Variants in LRRC4C observed in about 807,000 individuals in gnomAD.
LRRC4C encodes leucine rich repeat containing 4C.
Under a neutral mutation model 33.6 loss-of-function variants are expected in LRRC4C, and 5 were observed. The ratio of observed to expected loss-of-function variants is 0.15; its 90% CI spans 0.08 to 0.31. The LOEUF is 0.31. Among genes scored for constraint, LRRC4C ranks in the 10% least tolerant of loss-of-function variants. The pLI, the probability that LRRC4C is intolerant of heterozygous loss-of-function variation, is 1.00. For synonymous variants in LRRC4C, 329 were observed against 302.0 expected (o/e 1.09, Z -0.93); for missense variants, 560 against 796.7 (o/e 0.70, Z 3.58).
Position 41,411,142 on chromosome 11 carries a change from ATTTTTTTTTTTT to A in LRRC4C, c.-496+48277_-496+48288del, listed in dbSNP as rs370574515. 7.7e-4 allele frequency among the ~76,000 whole-genome samples: 44 copies of A among 57,242 alleles called. 3 individuals carry two copies. The highest frequency in any genetic ancestry group is 5.0e-3 in the African/African-American group (43 of 8,610). The allele number at this position is 57,242 out of a possible 152,430, so 37.6% of individuals were successfully genotyped here. On this transcript the variant is annotated intron_variant, in intron 1 of 6. Coordinates refer to ENST00000528697, the MANE Select transcript of LRRC4C (RefSeq NM_001258419.2). ...ATGAGAAACACTTGGTTGGTACCCT[ATTTTTTTTTTTT>A]TTTTTTTTTTTTGAGATGGAGTCTT...
At chr11:40,952,042 T>TA (rs1199952127) in intron 1 of LRRC4C, among the ~76,000 whole-genome samples, 2 of 151,954 alleles carry the variant, frequency 1.3e-5, no homozygotes, top group African/African-American at 2.4e-5. Context: ...ATTTTTTTTT[T>TA]ACCACAAATT....
At chr11:41,238,571 C>A (rs2136524565) in intron 1 of LRRC4C, among the ~76,000 whole-genome samples, 1 of 152,250 alleles carries the variant, frequency 6.6e-6, no homozygotes, top group Admixed American at 6.5e-5. Context: ...GGGACTCAAG[C>A]TTCAGCTGCT....
chr11:41,192,056 ACAGCACATCACT>A (rs908720106), intron 1 of LRRC4C, among the ~76,000 whole-genome samples: 7 of 152,294 alleles, frequency 4.6e-5, no homozygotes, highest in Admixed American at 4.6e-4. Flanking sequence ...AGATAGCCAC[ACAGCACATCACT>A]CACTTCATTT....
At chr11:40,266,617 G>A (rs991823411) in intron 4 of LRRC4C, among the ~76,000 whole-genome samples, 1 of 152,036 alleles carries the variant, frequency 6.6e-6, no homozygotes, top group Non-Finnish European at 1.5e-5. Context: ...ATTACTTAAA[G>A]CACTGCTTTA....
intron 2 of LRRC4C, among the ~76,000 whole-genome samples, chr11:40,810,809 C>T (rs916670452): frequency 1.3e-5 from 2 of 152,130 alleles, no homozygotes; most frequent in Admixed American, 1.3e-4. Flanking sequence ...TCCATTGTCA[C>T]AATTGTTGTT....
chr11:40,416,327 G>A (rs1454503414), intron 3 of LRRC4C, among the ~76,000 whole-genome samples: 2 of 152,138 alleles, frequency 1.3e-5, no homozygotes, highest in Admixed American at 6.5e-5. Flanking sequence ...ATAAAAAGAT[G>A]AGCAGGAGTA....
intron 1 of LRRC4C, among the ~76,000 whole-genome samples, chr11:41,191,801 G>C (rs149368040): frequency 1.3e-5 from 2 of 152,042 alleles, no homozygotes; most frequent in African/African-American, 2.4e-5. Flanking sequence ...CTTGGAAAAG[G>C]GTTCTGCAGC....
At chr11:41,441,321 AT>A (rs1955611515) in intron 1 of LRRC4C, among the ~76,000 whole-genome samples, 1 of 152,048 alleles carries the variant, frequency 6.6e-6, no homozygotes, top group Non-Finnish European at 1.5e-5. Context: ...TAGAGGCAAA[AT>A]GGAAGTAGAA....
At chr11:40,564,709 G>A (rs111677571) in intron 3 of LRRC4C, among the ~76,000 whole-genome samples, 1 of 152,118 alleles carries the variant, frequency 6.6e-6, no homozygotes, top group African/African-American at 2.4e-5. Flanking sequence ...CCAGATTAGA[G>A]GGAGTGGTCC....
rs191415309 is a variant in LRRC4C at position 40,842,970 on chromosome 11, C to T, written c.-407+90665G>A. Among the ~76,000 whole-genome samples, 4 of 152,274 alleles carry T rather than the reference C, an allele frequency of 2.6e-5. No individual in the cohort carries two copies. In the East Asian group the frequency reaches 5.8e-4, roughly 22 times the overall value. ...ATAATACAGCACTGTGAGCACAGAA[C>T]GAAACCTGTGTTTTCATTCAGCCTG... On this transcript the variant is annotated intron_variant, in intron 2 of 6. Transcript: ENST00000528697.
chr11:40,596,840 C>T (rs1348519011), intron 3 of LRRC4C, among the ~76,000 whole-genome samples: 1 of 152,088 alleles, frequency 6.6e-6, no homozygotes, highest in Non-Finnish European at 1.5e-5. Context: ...TATTACAACA[C>T]TATTCATAGT....
intron 4 of LRRC4C, among the ~76,000 whole-genome samples, chr11:40,295,683 A>G (rs72893108): frequency 0.084 from 12,843 of 152,272 alleles, 638 homozygotes; most frequent in Non-Finnish European, 0.1. Flanking sequence ...TACATGCAAG[A>G]GGAAAGACTT....
At chr11:41,269,731 C>T (rs1310348135) in intron 1 of LRRC4C, among the ~76,000 whole-genome samples, 1 of 152,126 alleles carries the variant, frequency 6.6e-6, no homozygotes, top group African/African-American at 2.4e-5. Flanking sequence ...CTGCCACCCT[C>T]CTTTATAATA....
chr11:41,241,389 A>C (rs1948244459), intron 1 of LRRC4C, among the ~76,000 whole-genome samples: 1 of 152,058 alleles, frequency 6.6e-6, no homozygotes, highest in South Asian at 2.1e-4. Flanking sequence ...AAACATGCTG[A>C]GTGTGGGAAA....
At chr11:41,241,572 G>A (rs1041394937) in intron 1 of LRRC4C, among the ~76,000 whole-genome samples, 1 of 152,110 alleles carries the variant, frequency 6.6e-6, no homozygotes, top group Non-Finnish European at 1.5e-5. Context: ...ATGAGGATTA[G>A]GTTGAATAAA....
At chr11:40,204,825 T>C (rs1201266885) in intron 5 of LRRC4C, among the ~76,000 whole-genome samples, 2 of 152,198 alleles carry the variant, frequency 1.3e-5, no homozygotes, top group Non-Finnish European at 2.9e-5. Flanking sequence ...ATAAACTTCC[T>C]TGCCTGCTTA....
chr11:40,248,344 C>CA (rs754843026), intron 4 of LRRC4C, among the ~76,000 whole-genome samples: 11 of 152,174 alleles, frequency 7.2e-5, no homozygotes, highest in Non-Finnish European at 1.5e-4. Flanking sequence ...TCAACCTCAG[C>CA]ACTGTTGACT....
intron 1 of LRRC4C, among the ~76,000 whole-genome samples, chr11:41,205,319 T>G (rs2136284894): frequency 6.6e-6 from 1 of 152,340 alleles, no homozygotes; most frequent in African/African-American, 2.4e-5. Context: ...ATTTATATTT[T>G]TCTCTGATTA....
intron 1 of LRRC4C, among the ~76,000 whole-genome samples, chr11:41,406,138 A>G (rs1167107351): frequency 6.6e-6 from 1 of 152,184 alleles, no homozygotes; most frequent in African/African-American, 2.4e-5. Context: ...AAGAAGCTAC[A>G]TAAGTATGAC....
Sources: gnomAD v4.1 joint callset for allele counts (sites outside exome capture counted in the v4.1 genomes callset) on GRCh38, gnomAD v4.1.1 for gene constraint, MANE v1.5 for transcripts, NCBI Gene and HGNC (gene_info 2026-07-23, HGNC 2026-07-21) for gene names.